ALK: variants seen among roughly 807,000 people sequenced by gnomAD.
The protein encoded by ALK is ALK receptor tyrosine kinase.
A neutral mutation model predicts 163.1 loss-of-function variants in ALK; 74 were observed. That is an observed-to-expected ratio of 0.45 (90% CI 0.38 to 0.55). The LOEUF (loss-of-function observed/expected upper bound fraction) is 0.55, where lower values mean the gene tolerates loss of function less well. Ranked by LOEUF, ALK falls within the 20% of genes least tolerant of loss-of-function variation. The pLI, the probability that ALK is intolerant of heterozygous loss-of-function variation, is 0.00. For missense variants in ALK, 2,063 were observed against 2,105.3 expected (o/e 0.98, Z 0.39); for synonymous variants, 960 against 843.2 (o/e 1.14, Z -2.40).
chr2:29,525,897 G>A (rs936306447), intron 4 of ALK, among the ~76,000 whole-genome samples: 1 of 151,662 alleles, frequency 6.6e-6, no homozygotes, highest in East Asian at 1.9e-4. Context: ...TATGTTAATC[G>A]CTGAAGGTCC....
At chr2:29,391,870 A>G (rs1386806322) in intron 4 of ALK, among the ~76,000 whole-genome samples, 1 of 152,104 alleles carries the variant, frequency 6.6e-6, no homozygotes, top group African/African-American at 2.4e-5. Context: ...TGGCTGTGTG[A>G]CCTTAGGCCA....
chr2:29,293,901 A>C (rs1666108773), intron 9 of ALK, among the ~76,000 whole-genome samples: 2 of 143,750 alleles, frequency 1.4e-5, no homozygotes, highest in Non-Finnish European at 3.2e-5. Flanking sequence ...AAGCCCTAAT[A>C]AAGTTACTTT....
At chr2:29,207,908 G>C (rs923145727) in intron 25 of ALK, 1 of 355,464 alleles carries the variant, frequency 2.8e-6, no homozygotes. Flanking sequence ...TAACTCATCT[G>C]CCTGTTAGGC....
intron 4 of ALK, among the ~76,000 whole-genome samples, chr2:29,454,759 C>G (rs1258684913): frequency 6.6e-6 from 1 of 152,072 alleles, no homozygotes; most frequent in Non-Finnish European, 1.5e-5. Context: ...AAAAATAGTA[C>G]AGAGAGTTCC....
At chr2:29,851,093 C>T (rs888997644) in intron 1 of ALK, among the ~76,000 whole-genome samples, 9 of 152,182 alleles carry the variant, frequency 5.9e-5, no homozygotes, top group Admixed American at 5.2e-4. Context: ...CAAAGACTTC[C>T]CCAATAGTTG....
chr2:29,284,248 C>T (rs917443256), intron 9 of ALK, among the ~76,000 whole-genome samples: 1 of 151,324 alleles, frequency 6.6e-6, no homozygotes, highest in African/African-American at 2.4e-5. Context: ...CCCAGGTGGA[C>T]ATAAAGATAT....
intron 4 of ALK, among the ~76,000 whole-genome samples, chr2:29,492,424 G>A (rs1476829213): frequency 6.6e-6 from 1 of 152,128 alleles, no homozygotes; most frequent in Non-Finnish European, 1.5e-5. Context: ...TTGATGGCTC[G>A]GGTGAGGATT....
At chr2:29,863,956 T>A (rs1666360385) in intron 1 of ALK, among the ~76,000 whole-genome samples, 1 of 152,226 alleles carries the variant, frequency 6.6e-6, no homozygotes, top group Non-Finnish European at 1.5e-5. Flanking sequence ...CCCAACAGCC[T>A]GTCGTGCATC....
intron 8 of ALK, among the ~76,000 whole-genome samples, chr2:29,300,893 C>T (rs948723613): frequency 6.6e-6 from 1 of 152,136 alleles, no homozygotes; most frequent in Non-Finnish European, 1.5e-5. Context: ...TTCAGGCTTT[C>T]CATCTGCAAT....
intron 5 of ALK, among the ~76,000 whole-genome samples, chr2:29,362,954 A>G (rs1668418864): frequency 6.6e-6 from 1 of 152,186 alleles, no homozygotes; most frequent in Non-Finnish European, 1.5e-5. Flanking sequence ...GTAACTCCCC[A>G]TCTAGTATTT....
At chr2:29,369,599 T>C (rs1255020919) in intron 5 of ALK, among the ~76,000 whole-genome samples, 1 of 152,050 alleles carries the variant, frequency 6.6e-6, no homozygotes, top group African/African-American at 2.4e-5. Flanking sequence ...GCTGGACACA[T>C]GGATCAGACA....
chr2:29,670,156 G>C (rs1677638529), intron 3 of ALK, among the ~76,000 whole-genome samples: 1 of 151,964 alleles, frequency 6.6e-6, no homozygotes, highest in Non-Finnish European at 1.5e-5. Flanking sequence ...GTTTATTTTT[G>C]TTTCAGATTG....
chr2:29,760,688 T>C (rs2148336889), intron 1 of ALK, among the ~76,000 whole-genome samples: 2 of 152,330 alleles, frequency 1.3e-5, no homozygotes, highest in Middle Eastern at 6.8e-3. Context: ...TTTGACTCTT[T>C]TGCAAAGGGC....
At chr2:29,909,085 A>G (rs992642881) in intron 1 of ALK, among the ~76,000 whole-genome samples, 2 of 152,188 alleles carry the variant, frequency 1.3e-5, no homozygotes, top group Non-Finnish European at 2.9e-5. Context: ...GTATCTCAGG[A>G]GACAAGCTAG....
At chr2:29,254,080 C>T (rs1472472496) in intron 11 of ALK, among the ~76,000 whole-genome samples, 1 of 152,168 alleles carries the variant, frequency 6.6e-6, no homozygotes, top group East Asian at 1.9e-4. Context: ...TAAGGGGCTT[C>T]CCCCTTCACT....
intron 1 of ALK, among the ~76,000 whole-genome samples, chr2:29,768,799 C>G (rs1680936371): frequency 6.7e-6 from 1 of 149,548 alleles, no homozygotes; most frequent in African/African-American, 2.5e-5. Flanking sequence ...TAAAAGTGGT[C>G]TGGTTAACAG....
chr2:29,213,924 G>T (rs2148159069), intron 24 of ALK, 60 bp downstream of exon 24: 2 of 1,438,640 alleles, frequency 1.4e-6, no homozygotes, highest in Middle Eastern at 1.8e-4. Context: ...CTTGAGATCT[G>T]CGGGGAAGCA....
At chr2:29,194,841 A>C (rs1460558644) in intron 28 of ALK, among the ~76,000 whole-genome samples, 1 of 152,120 alleles carries the variant, frequency 6.6e-6, no homozygotes, top group Non-Finnish European at 1.5e-5. Flanking sequence ...TGCACAACCC[A>C]GGAAATGCTG....
intron 9 of ALK, among the ~76,000 whole-genome samples, chr2:29,289,163 G>C (rs1243619608): frequency 2.0e-5 from 3 of 152,070 alleles, no homozygotes; most frequent in African/African-American, 7.2e-5. Context: ...GCTTGGTTCA[G>C]TGAGAATGCC....
Sources: gnomAD v4.1 joint callset for allele counts (sites outside exome capture counted in the v4.1 genomes callset) on GRCh38, gnomAD v4.1.1 for gene constraint, MANE v1.5 for transcripts, NCBI Gene and HGNC (gene_info 2026-07-23, HGNC 2026-07-21) for gene names.